MTA1: variants seen among roughly 807,000 people sequenced by gnomAD.
MTA1 encodes metastasis-associated protein MTA1.
In MTA1, 15 loss-of-function variants were observed where a neutral mutation model predicts 97.0. The ratio of observed to expected loss-of-function variants is 0.15; its 90% CI spans 0.10 to 0.24. The LOEUF (loss-of-function observed/expected upper bound fraction) is 0.24, where lower values mean the gene tolerates loss of function less well. MTA1 is among the 10% of genes least tolerant of loss of function. MTA1 has a pLI of 1.00. For missense variants in MTA1, 709 were observed against 1,015.1 expected, an observed-to-expected ratio of 0.70 and a Z score of 4.10; for synonymous variants, 435 against 417.5, an observed-to-expected ratio of 1.04 and a Z score of -0.51.
At chr14:105,438,607 C>T (rs782676298) in intron 1 of MTA1, 65 bp from the exon 2 acceptor site, 15 of 1,472,850 alleles carry the variant, frequency 1.0e-5, no homozygotes, top group African/African-American at 2.8e-5. Flanking sequence ...CCCTGGGCCA[C>T]GGGAGGTGGG....
intron 6 of MTA1, among the ~76,000 whole-genome samples, chr14:105,451,792 T>C (rs1325213464): frequency 1.1e-4 from 15 of 142,084 alleles, no homozygotes; most frequent in South Asian, 2.4e-4. Context: ...TGTTTTTTTT[T>C]TTTTTTTTTT....
At chr14:105,444,156 G>A (rs1459613300) in intron 2 of MTA1, among the ~76,000 whole-genome samples, 1 of 151,792 alleles carries the variant, frequency 6.6e-6, no homozygotes, top group African/African-American at 2.4e-5. Flanking sequence ...GGCGGATCAC[G>A]AGGTCAGGAG....
At chr14:105,443,636 C>T (rs1257569455) in intron 2 of MTA1, among the ~76,000 whole-genome samples, 2 of 152,202 alleles carry the variant, frequency 1.3e-5, no homozygotes, top group Non-Finnish European at 2.9e-5. Context: ...CCATTTATAA[C>T]ATTAAACCAA....
At chr14:105,448,528 G>A (rs2082797399) in intron 3 of MTA1, among the ~76,000 whole-genome samples, 1 of 152,184 alleles carries the variant, frequency 6.6e-6, no homozygotes, top group Non-Finnish European at 1.5e-5. Flanking sequence ...CCCTGGTGAT[G>A]TCTGAGTTCA....
intron 1 of MTA1, among the ~76,000 whole-genome samples, chr14:105,427,136 C>T (rs1200473339): frequency 1.3e-5 from 2 of 152,194 alleles, no homozygotes; most frequent in African/African-American, 4.8e-5. Context: ...CTTCTGTGGC[C>T]CCATCCCCTA....
intron 6 of MTA1, among the ~76,000 whole-genome samples, chr14:105,452,379 T>C (rs1555428950): frequency 6.6e-6 from 1 of 152,234 alleles, no homozygotes; most frequent in Non-Finnish European, 1.5e-5. Context: ...CACTTGTGTT[T>C]ATTAATTTAA....
At chr14:105,434,790 C>T (rs1362393085) in intron 1 of MTA1, among the ~76,000 whole-genome samples, 1 of 152,214 alleles carries the variant, frequency 6.6e-6, no homozygotes, top group Non-Finnish European at 1.5e-5. Flanking sequence ...CGTGAGCCAC[C>T]ATGCCCAGCC....
chr14:105,425,359 T>G (rs1323587483), intron 1 of MTA1, among the ~76,000 whole-genome samples: 1 of 152,054 alleles, frequency 6.6e-6, no homozygotes, highest in Non-Finnish European at 1.5e-5. Context: ...TACTGCAGCC[T>G]CCACCCCACA....
intron 3 of MTA1, among the ~76,000 whole-genome samples, chr14:105,448,668 G>T (rs782784453): frequency 6.6e-6 from 1 of 151,706 alleles, no homozygotes; most frequent in African/African-American, 2.4e-5. Flanking sequence ...AGGCTCAGCC[G>T]CCAGACACCC....
chr14:105,458,122 C>T (rs1555430251), intron 7 of MTA1, 148 bp from the exon 8 acceptor site: 8 of 635,404 alleles, frequency 1.3e-5, no homozygotes, highest in South Asian at 7.5e-5. Flanking sequence ...CAACAGCCTC[C>T]GTCCAGCCTT....
chr14:105,457,187 AGAGGTG>A (rs1353236572), intron 7 of MTA1, among the ~76,000 whole-genome samples: 11 of 152,212 alleles, frequency 7.2e-5, no homozygotes, highest in Non-Finnish European at 1.6e-4. Context: ...GAGGCGGCTG[AGAGGTG>A]GACAGAGGAC....
At chr14:105,449,554 C>G (rs1418883132) in intron 4 of MTA1, 145 bp downstream of exon 4, 4 of 874,914 alleles carry the variant, frequency 4.6e-6, no homozygotes, top group South Asian at 1.8e-5. Flanking sequence ...GAGGGGCCCT[C>G]CCTTGTGTCC....
At chr14:105,467,793 A>C (rs1360690876) in intron 18 of MTA1, 1 of 276,992 alleles carries the variant, frequency 3.6e-6, no homozygotes, top group Non-Finnish European at 7.1e-6. Flanking sequence ...AGGGCGTCCC[A>C]GGAACAGCCC....
chr14:105,423,961 C>T (rs1327686184), intron 1 of MTA1, among the ~76,000 whole-genome samples: 1 of 152,230 alleles, frequency 6.6e-6, no homozygotes, highest in African/African-American at 2.4e-5. Flanking sequence ...CCATCTTTTC[C>T]AAGAAGGCAG....
At chr14:105,433,463 G>T (rs1555423796) in intron 1 of MTA1, among the ~76,000 whole-genome samples, 1 of 152,190 alleles carries the variant, frequency 6.6e-6, no homozygotes, top group Non-Finnish European at 1.5e-5. Flanking sequence ...GACGCTGTTG[G>T]CAGGCAGGAT....
chr14:105,429,027 C>T (rs1555422819), intron 1 of MTA1, among the ~76,000 whole-genome samples: 1 of 152,186 alleles, frequency 6.6e-6, no homozygotes, highest in Non-Finnish European at 1.5e-5. Flanking sequence ...CCCAGCCTCA[C>T]CTTGCACTTT....
At chr14:105,461,044 C>T in intron 10 of MTA1, 91 bp downstream of exon 10, 12 of 1,325,360 alleles carry the variant, frequency 9.1e-6, no homozygotes, top group Non-Finnish European at 1.2e-5. Flanking sequence ...CCACTCTGCC[C>T]TGAGGGAGCC....
intron 1 of MTA1, among the ~76,000 whole-genome samples, chr14:105,437,082 T>A (rs1394034269): frequency 6.6e-6 from 1 of 152,228 alleles, no homozygotes; most frequent in African/African-American, 2.4e-5. Context: ...CGTTGTCCTG[T>A]GGAGCTCTAT....
At chr14:105,445,629 C>G in intron 3 of MTA1, 118 bp downstream of exon 3, 1 of 1,010,002 alleles carries the variant, frequency 9.9e-7, no homozygotes, top group African/African-American at 1.6e-5. Context: ...CACCCTCTGC[C>G]CAACTCACTC....
Sources: allele counts gnomAD v4.1 joint callset (sites outside exome capture counted in the v4.1 genomes callset), GRCh38; gene constraint gnomAD v4.1.1; transcripts MANE v1.5; gene names NCBI Gene and HGNC (gene_info 2026-07-23, HGNC 2026-07-21).